The following MYCBP2 variants were observed in gnomAD, a reference collection of about 807,000 sequenced individuals.
MYCBP2 encodes MYC binding protein 2, also known as E3 ubiquitin-protein ligase MYCBP2.
A neutral mutation model predicts 525.3 loss-of-function variants in MYCBP2; 120 were observed. The ratio of observed to expected loss-of-function variants is 0.23; its 90% CI spans 0.20 to 0.27. MYCBP2 has a LOEUF of 0.27. Ranked by LOEUF, MYCBP2 falls within the 10% of genes least tolerant of loss-of-function variation. The pLI is 1.00. For missense variants in MYCBP2, 4,149 were observed against 5,657.1 expected, an observed-to-expected ratio of 0.73 and a Z score of 8.55; for synonymous variants, 1,894 against 1,955.8, an observed-to-expected ratio of 0.97 and a Z score of 0.83.
At chr13:77,183,151 T>C (rs1388991607) in intron 32 of MYCBP2, among the ~76,000 whole-genome samples, 3 of 152,210 alleles carry the variant, frequency 2.0e-5, no homozygotes, top group African/African-American at 7.2e-5. Context: ...GGTTTGATAA[T>C]ATTTTTAAGA....
chr13:77,250,696 TACA>T (rs2071046820), intron 15 of MYCBP2, among the ~76,000 whole-genome samples: 1 of 152,202 alleles, frequency 6.6e-6, no homozygotes, highest in Non-Finnish European at 1.5e-5. Flanking sequence ...GAAGCAAGCA[TACA>T]ACGTTTCTAA....
intron 32 of MYCBP2, among the ~76,000 whole-genome samples, chr13:77,183,546 T>C (rs911178316): frequency 1.9e-5 from 2 of 107,760 alleles, no homozygotes; most frequent in African/African-American, 3.7e-5. Flanking sequence ...TATTTCTTTT[T>C]TTTTTTTTTT....
rs568900160 is a variant in MYCBP2, at chr13:77,323,943, T to C, written c.302+2531A>G. On this transcript the variant is annotated intron_variant, in intron 1 of 82. Coordinates refer to ENST00000544440, the MANE Select transcript of MYCBP2 (RefSeq NM_015057.5). Reference sequence around the variant, plus strand: ...GATCCCTTTGACCTCTTCCTGTCCCTGAGATCCCTTTGACCTTTTCCTATC... The same window carrying C: ...GATCCCTTTGACCTCTTCCTGTCCCCGAGATCCCTTTGACCTTTTCCTATC... Among the ~76,000 whole-genome samples, 4 of 152,290 alleles carry C rather than the reference T, an allele frequency of 2.6e-5. No individual in the cohort carries two copies. In the South Asian group the frequency reaches 8.3e-4, roughly 32 times the overall value.
chr13:77,097,183 G>C (rs2046391699), intron 56 of MYCBP2, among the ~76,000 whole-genome samples, 187 bp downstream of exon 56: 1 of 152,074 alleles, frequency 6.6e-6, no homozygotes, highest in Admixed American at 6.6e-5. Context: ...AAATGACCTG[G>C]CCATCATAAT....
intron 14 of MYCBP2, among the ~76,000 whole-genome samples, chr13:77,254,048 T>C (rs890071991): frequency 1.3e-5 from 2 of 152,018 alleles, no homozygotes; most frequent in South Asian, 2.1e-4. Context: ...ATATTACACA[T>C]TAGTTAACAT....
chr13:77,082,047 T>C (rs1245540105), intron 63 of MYCBP2, 54 bp from the exon 64 acceptor site: 1 of 1,535,018 alleles, frequency 6.5e-7, no homozygotes, highest in Non-Finnish European at 8.9e-7. Context: ...CAGGAACATC[T>C]AAGGAACTCT....
chr13:77,187,468 A>G (rs1315201702), intron 30 of MYCBP2, among the ~76,000 whole-genome samples: 1 of 152,218 alleles, frequency 6.6e-6, no homozygotes, highest in Non-Finnish European at 1.5e-5. Flanking sequence ...GTACACAAGT[A>G]TTTAAAGATG....
intron 62 of MYCBP2, among the ~76,000 whole-genome samples, chr13:77,085,637 C>A (rs1257373959): frequency 6.6e-6 from 1 of 152,178 alleles, no homozygotes; most frequent in African/African-American, 2.4e-5. Context: ...TGGAAGGTGG[C>A]AGAAGCATGG....
chr13:77,243,965 C>CAA lies in MYCBP2; in HGVS notation c.2382-16_2382-15dup, dbSNP rs35429706. The CAA allele has an allele frequency of 0.056, 64,494 of 1,160,428 alleles. 293 individuals carry two copies. The highest frequency in any genetic ancestry group is 0.12 in the African/African-American group (6,953 of 56,932). 71.9% of individuals were successfully genotyped at this position (1,160,428 alleles called of 1,614,324 possible). A position where few individuals can be genotyped will look rare whatever the true frequency, so the allele number is the denominator to read the frequency against. Reference sequence around the variant, plus strand: ...CAACCACAGATCCTAGGGGGAAATACAAAAAAAAAAAAAAAAGACAACTGA... The same window carrying CAA: ...CAACCACAGATCCTAGGGGGAAATACAAAAAAAAAAAAAAAAAAGACAACTGA... On this transcript the variant is annotated splice_polypyrimidine_tract_variant and intron_variant, in intron 15 of 82. Transcript: ENST00000544440.
chr13:77,056,686 A>G (rs962778311), intron 79 of MYCBP2, among the ~76,000 whole-genome samples: 3 of 152,168 alleles, frequency 2.0e-5, no homozygotes, highest in Admixed American at 6.5e-5. Flanking sequence ...TGTTATGTCA[A>G]CTGAGCTCTC....
intron 23 of MYCBP2, among the ~76,000 whole-genome samples, chr13:77,210,822 T>C (rs2063911600): frequency 6.6e-6 from 1 of 152,138 alleles, no homozygotes; most frequent in African/African-American, 2.4e-5. Context: ...ATAATGATAA[T>C]AGCAAACACT....
intron 1 of MYCBP2, among the ~76,000 whole-genome samples, chr13:77,301,124 C>G (rs1020203405): frequency 6.6e-6 from 1 of 151,978 alleles, no homozygotes; most frequent in Non-Finnish European, 1.5e-5. Context: ...GATAGAGAGG[C>G]TGGGTCAAGG....
intron 52 of MYCBP2, 150 bp from the exon 53 acceptor site, chr13:77,126,692 G>T: frequency 1.8e-6 from 1 of 563,598 alleles, no homozygotes; most frequent in Non-Finnish European, 3.0e-6. Context: ...TTAGTCATTA[G>T]CACTAATTAA....
At chr13:77,311,627 A>G (rs1042246837) in intron 1 of MYCBP2, among the ~76,000 whole-genome samples, 8 of 151,366 alleles carry the variant, frequency 5.3e-5, no homozygotes, top group Non-Finnish European at 1.2e-4. Flanking sequence ...GAAATAAACA[A>G]TACATAAAAA....
At chr13:77,155,491 C>T (rs2057098280) in intron 46 of MYCBP2, among the ~76,000 whole-genome samples, 1 of 152,016 alleles carries the variant, frequency 6.6e-6, no homozygotes, top group Non-Finnish European at 1.5e-5. Flanking sequence ...CAGATTAAAT[C>T]ACAAATAATT....
At chr13:77,193,066 T>C (rs1490574803) in intron 27 of MYCBP2, among the ~76,000 whole-genome samples, 1 of 152,016 alleles carries the variant, frequency 6.6e-6, no homozygotes. Context: ...GAGGCAGAGG[T>C]TGCAGTGAGT....
At chr13:77,252,018 G>A (rs972996133) in intron 14 of MYCBP2, among the ~76,000 whole-genome samples, 1 of 152,058 alleles carries the variant, frequency 6.6e-6, no homozygotes, top group Admixed American at 6.6e-5. Context: ...CAAAAATTCA[G>A]CTCAGAAGTC....
At chr13:77,237,609 A>G (rs1303930202) in intron 17 of MYCBP2, among the ~76,000 whole-genome samples, 1 of 152,200 alleles carries the variant, frequency 6.6e-6, no homozygotes, top group Non-Finnish European at 1.5e-5. Flanking sequence ...CAAAACCTTG[A>G]CCTAAATTCC....
chr13:77,202,316 C>T (rs2062709342), intron 26 of MYCBP2, among the ~76,000 whole-genome samples: 1 of 152,190 alleles, frequency 6.6e-6, no homozygotes, highest in South Asian at 2.1e-4. Context: ...GATTCCTGGA[C>T]ACATACACTC....
Sources: allele counts gnomAD v4.1 joint callset (sites outside exome capture counted in the v4.1 genomes callset), GRCh38; gene constraint gnomAD v4.1.1; transcripts MANE v1.5; gene names NCBI Gene and HGNC (gene_info 2026-07-23, HGNC 2026-07-21).